Variants in HS3ST4 observed in about 807,000 individuals in gnomAD.
The protein encoded by HS3ST4 is heparan sulfate-glucosamine 3-sulfotransferase 4, also known as heparan sulfate glucosamine 3-O-sulfotransferase 4.
In HS3ST4, 17 loss-of-function variants were observed where a neutral mutation model predicts 29.2. The observed-to-expected ratio is 0.58, with a 90% CI of 0.40 to 0.87. The LOEUF (loss-of-function observed/expected upper bound fraction) is 0.87. HS3ST4 is among the 40% of genes least tolerant of loss of function. The probability of loss-of-function intolerance (pLI) is 0.00; values close to 1 mark genes in which losing one functional copy is unlikely to be tolerated. For missense variants in HS3ST4, 627 were observed against 634.5 expected, an observed-to-expected ratio of 0.99 and a Z score of 0.13; for synonymous variants, 314 against 285.7, an observed-to-expected ratio of 1.10 and a Z score of -1.00.
rs138663758 is a variant in HS3ST4 at position 25,807,557 on chromosome 16, A to G, written c.734+114406A>G. ...TGTAGCCCAATTTGTTTAAACATTCATCTGTTGAAAGACTTCTGAGCTGTT... is the reference window on the plus strand; with the variant it reads ...TGTAGCCCAATTTGTTTAAACATTCGTCTGTTGAAAGACTTCTGAGCTGTT... On this transcript the variant is annotated intron_variant, in intron 1 of 1. Transcript: ENST00000331351. 2.2e-3 allele frequency among the ~76,000 whole-genome samples: 328 copies of G among 152,236 alleles called. 1 individual carries two copies. Among genetic ancestry groups the G allele is most frequent in the African/African-American group, 7.7e-3 (320 of 41,544 alleles).
chr16:25,886,027 GTTTTTTTTT>G lies in HS3ST4; in HGVS notation c.734+192891_734+192899del, dbSNP rs34713423. Among the ~76,000 whole-genome samples, 5 of 82,760 alleles carry G rather than the reference GTTTTTTTTT, an allele frequency of 6.0e-5. No individual in the cohort carries two copies. In the East Asian group the frequency reaches 2.3e-3, roughly 38 times the overall value. The allele number at this position is 82,760 out of a possible 152,430, so 54.3% of individuals were successfully genotyped here. On this transcript the variant is annotated intron_variant, in intron 1 of 1. Coordinates refer to ENST00000331351, the MANE Select transcript of HS3ST4 (RefSeq NM_006040.3). ...AAATGGGAGTACTTTTCTTACTGTG[GTTTTTTTTT>G]TTTTTTTTTTTTTTGAGACAGAGTC...
intron 1 of HS3ST4, among the ~76,000 whole-genome samples, chr16:25,782,952 G>T (rs1256119265): frequency 6.6e-6 from 1 of 151,804 alleles, no homozygotes; most frequent in Non-Finnish European, 1.5e-5. Context: ...AGTGGTCTTG[G>T]GTCTCTTGTC....
rs1292312090 is a variant in HS3ST4, at chr16:25,693,026, C to T, written c.609C>T (p.Ile203=). 2 of 1,611,246 alleles carry T rather than the reference C, an allele frequency of 1.2e-6. No individual in the cohort carries two copies. Among genetic ancestry groups the T allele is most frequent in the East Asian group, 2.2e-5 (1 of 44,804 alleles). The change falls in exon 1 of 2, where the codon ATC becomes ATT. Residue 203 remains isoleucine (I), a synonymous_variant. Transcript: ENST00000331351. ...GEKKLPQALI[I]GVKKGGTRAL... is the part of the protein sequence containing the mutation. Reference sequence around the variant, plus strand: ...AGAAGCTGCCACAGGCGCTCATCATCGGGGTCAAGAAAGGAGGGACCCGCG... The same window carrying T: ...AGAAGCTGCCACAGGCGCTCATCATTGGGGTCAAGAAAGGAGGGACCCGCG...
chr16:25,956,834 T>C (rs1466591884), intron 1 of HS3ST4, among the ~76,000 whole-genome samples: 1 of 151,828 alleles, frequency 6.6e-6, no homozygotes, highest in Non-Finnish European at 1.5e-5. Flanking sequence ...CCATCTCTAC[T>C]AAAAATACAA....
rs1596558101 is a variant in HS3ST4 at position 25,742,440 on chromosome 16, CTG to C, written c.734+49292_734+49293del. ...GGTCAACAGTGATCAGGGGAATAGA[CTG>C]TGGCTATCAGCCAGGTCAGAAACAT... On this transcript the variant is annotated intron_variant, in intron 1 of 1. Coordinates refer to ENST00000331351, the MANE Select transcript of HS3ST4 (RefSeq NM_006040.3). Among the ~76,000 whole-genome samples the C allele has an allele frequency of 2.6e-5, 4 of 152,318 alleles. No homozygotes were observed. The East Asian group carries it at 7.7e-4, about 29-fold the overall frequency.
At chr16:25,841,981 T>C (rs1026605870) in intron 1 of HS3ST4, among the ~76,000 whole-genome samples, 1 of 152,212 alleles carries the variant, frequency 6.6e-6, no homozygotes, top group Non-Finnish European at 1.5e-5. Flanking sequence ...TATTCTTGAG[T>C]ACTCAGCACC....
At chr16:25,811,304 C>T (rs1487924302) in intron 1 of HS3ST4, among the ~76,000 whole-genome samples, 2 of 152,080 alleles carry the variant, frequency 1.3e-5, no homozygotes, top group Non-Finnish European at 2.9e-5. Context: ...TCCTCTTCCT[C>T]AGCCTACTCA....
intron 1 of HS3ST4, among the ~76,000 whole-genome samples, chr16:26,026,682 C>T (rs1204549159): frequency 6.6e-6 from 1 of 152,140 alleles, no homozygotes; most frequent in African/African-American, 2.4e-5. Context: ...CTGATTTCTG[C>T]TCATGTCATT....
At chr16:26,055,948 T>C (rs1249372127) in intron 1 of HS3ST4, among the ~76,000 whole-genome samples, 1 of 151,908 alleles carries the variant, frequency 6.6e-6, no homozygotes, top group East Asian at 1.9e-4. Context: ...GGACATTTGA[T>C]AACAATCTCC....
chr16:25,819,726 A>G (rs1009437235), intron 1 of HS3ST4, among the ~76,000 whole-genome samples: 13 of 152,152 alleles, frequency 8.5e-5, no homozygotes, highest in African/African-American at 2.9e-4. Context: ...CTGTTGGAGA[A>G]TAGACAGGCT....
intron 1 of HS3ST4, among the ~76,000 whole-genome samples, chr16:26,089,340 C>T (rs1300164048): frequency 1.3e-5 from 2 of 152,170 alleles, no homozygotes; most frequent in Non-Finnish European, 2.9e-5. Context: ...GAGAGCAGAG[C>T]AGGTTATGAC....
chr16:25,928,051 A>G (rs2141686084), intron 1 of HS3ST4, among the ~76,000 whole-genome samples: 1 of 151,430 alleles, frequency 6.6e-6, no homozygotes, highest in East Asian at 1.9e-4. Flanking sequence ...AAAAAAAAAA[A>G]AAAAAAAGGT....
At chr16:25,952,290 G>A (rs188015081) in intron 1 of HS3ST4, among the ~76,000 whole-genome samples, 17 of 152,328 alleles carry the variant, frequency 1.1e-4, no homozygotes, top group African/African-American at 3.8e-4. Flanking sequence ...TTCCCATGGG[G>A]TGCAACAGTC....
At chr16:25,930,593 T>C (rs1968452420) in intron 1 of HS3ST4, among the ~76,000 whole-genome samples, 1 of 152,236 alleles carries the variant, frequency 6.6e-6, no homozygotes. Flanking sequence ...GCTTCAGGCA[T>C]GGCTAGATCC....
At chr16:25,828,242 C>CTCTTTCTTTCTTTCTTTCTT (rs1174433355) in intron 1 of HS3ST4, among the ~76,000 whole-genome samples, 7 of 75,016 alleles carry the variant, frequency 9.3e-5, no homozygotes, top group Admixed American at 1.5e-4. Flanking sequence ...TTCTTTCTTT[C>CTCTTTCTTTCTTTCTTTCTT]TCTTTCTTTC....
At chr16:26,019,147 A>AC (rs1270306096) in intron 1 of HS3ST4, among the ~76,000 whole-genome samples, 1 of 151,746 alleles carries the variant, frequency 6.6e-6, no homozygotes, top group Non-Finnish European at 1.5e-5. Context: ...CTCATCTGCT[A>AC]CCCCCCGATC....
intron 1 of HS3ST4, among the ~76,000 whole-genome samples, chr16:25,706,537 C>T (rs73516452): frequency 0.01 from 1,548 of 152,182 alleles, 27 homozygotes; most frequent in African/African-American, 0.035. Context: ...CCCCTAGCTC[C>T]CCACCCCCCG....
intron 1 of HS3ST4, among the ~76,000 whole-genome samples, chr16:26,010,162 G>C (rs1343491145): frequency 6.6e-6 from 1 of 152,166 alleles, no homozygotes; most frequent in Non-Finnish European, 1.5e-5. Context: ...GCATTAAAAT[G>C]TGAAAATGTG....
At chr16:25,699,920 T>C (rs1251797574) in intron 1 of HS3ST4, among the ~76,000 whole-genome samples, 1 of 152,182 alleles carries the variant, frequency 6.6e-6, no homozygotes, top group African/African-American at 2.4e-5. Context: ...AGAGTAAATG[T>C]CTCTCTCCTC....
Sources: allele counts gnomAD v4.1 joint callset (sites outside exome capture counted in the v4.1 genomes callset), GRCh38; gene constraint gnomAD v4.1.1; transcripts MANE v1.5; gene names NCBI Gene and HGNC (gene_info 2026-07-23, HGNC 2026-07-21).